Variants in CCSER1 observed in about 807,000 individuals in gnomAD.
The protein encoded by CCSER1 is serine-rich coiled-coil domain-containing protein 1.
A neutral mutation model predicts 82.0 loss-of-function variants in CCSER1; 41 were observed. The ratio of observed to expected loss-of-function variants is 0.50; its 90% confidence interval spans 0.39 to 0.65. CCSER1 has a LOEUF of 0.65. Ranked by LOEUF, CCSER1 falls within the 30% of genes least tolerant of loss-of-function variation. The pLI is 0.00. For missense variants in CCSER1, 1,119 were observed against 1,064.2 expected (o/e 1.05, Z -0.72); for synonymous variants, 414 against 383.9 (o/e 1.08, Z -0.92).
chr4:91,052,820 A>G (rs1743122502), intron 9 of CCSER1, among the ~76,000 whole-genome samples: 1 of 152,222 alleles, frequency 6.6e-6, no homozygotes, highest in Middle Eastern at 3.4e-3. Context: ...CATTATTTTG[A>G]TAGGTAAGTC....
At chr4:91,184,144 G>A (rs952916584) in intron 10 of CCSER1, among the ~76,000 whole-genome samples, 18 of 152,136 alleles carry the variant, frequency 1.2e-4, no homozygotes, top group Admixed American at 1.0e-3. Flanking sequence ...CTTGAGTGGG[G>A]CAGCACAAAA....
chr4:90,876,426 G>C (rs533017318), intron 8 of CCSER1, among the ~76,000 whole-genome samples: 11 of 152,094 alleles, frequency 7.2e-5, no homozygotes, highest in Non-Finnish European at 1.5e-4. Flanking sequence ...CAACACAACA[G>C]AGATGGAAGC....
At chr4:90,137,844 A>T (rs1723975927) in intron 1 of CCSER1, among the ~76,000 whole-genome samples, 1 of 152,182 alleles carries the variant, frequency 6.6e-6, no homozygotes, top group East Asian at 1.9e-4. Context: ...ACGTTACTTA[A>T]CTGCAGTTAC....
intron 8 of CCSER1, among the ~76,000 whole-genome samples, chr4:90,868,068 A>G (rs542554364): frequency 6.6e-6 from 1 of 152,142 alleles, no homozygotes; most frequent in Admixed American, 6.6e-5. Context: ...ATTCTTGTGG[A>G]TACAGAGTAG....
chr4:91,141,910 A>T (rs770198589), intron 10 of CCSER1, among the ~76,000 whole-genome samples: 1 of 152,128 alleles, frequency 6.6e-6, no homozygotes, highest in Admixed American at 6.5e-5. Flanking sequence ...AGCTGCTTGC[A>T]TGTCTTCTTT....
At chr4:91,538,698 C>CATATATTATGTATATATATATATATATAT in intron 10 of CCSER1, among the ~76,000 whole-genome samples, 3,118 of 138,184 alleles carry the variant, frequency 0.023, 48 homozygotes, top group African/African-American at 0.033. Context: ...TATATATACA[C>CATATATTATGTATATATATATATATATAT]ATATATATAT....
intron 8 of CCSER1, among the ~76,000 whole-genome samples, chr4:90,847,507 T>A (rs928736249): frequency 1.3e-5 from 2 of 152,172 alleles, no homozygotes; most frequent in African/African-American, 4.8e-5. Context: ...ACGTATCAGT[T>A]TTTTTTATTG....
Position 90,255,921 on chromosome 4 carries a change from T to C in CCSER1, c.-41-52323T>C, listed in dbSNP as rs544891894. On this transcript the variant is annotated intron_variant, in intron 1 of 10. Coordinates refer to ENST00000509176, the MANE Select transcript of CCSER1 (RefSeq NM_001145065.2). Reference sequence around the variant, plus strand: ...ACTTTATAGATGAGGATACTGAAGCTCTAGATGTTTATGTAACTTATCTAA... The same window carrying C: ...ACTTTATAGATGAGGATACTGAAGCCCTAGATGTTTATGTAACTTATCTAA... 5.3e-5 allele frequency among the ~76,000 whole-genome samples: 8 copies of C among 152,270 alleles called. No homozygotes were observed. In the South Asian group the frequency reaches 1.7e-3, roughly 32 times the overall value.
chr4:91,353,782 G>C (rs1266856795), intron 10 of CCSER1, among the ~76,000 whole-genome samples: 1 of 152,170 alleles, frequency 6.6e-6, no homozygotes, highest in African/African-American at 2.4e-5. Context: ...TATCAGACAA[G>C]GGAGCAGTAA....
intron 4 of CCSER1, among the ~76,000 whole-genome samples, chr4:90,456,313 C>T (rs1762160925): frequency 6.6e-6 from 1 of 152,148 alleles, no homozygotes; most frequent in African/African-American, 2.4e-5. Flanking sequence ...TTCTGATGAC[C>T]AAGCCAAGTG....
intron 10 of CCSER1, among the ~76,000 whole-genome samples, chr4:91,288,047 T>C (rs1245424861): frequency 6.7e-6 from 1 of 148,634 alleles, no homozygotes; most frequent in East Asian, 2.0e-4. Context: ...TTCTAGGCTA[T>C]TGAGTTTATT....
intron 9 of CCSER1, among the ~76,000 whole-genome samples, chr4:91,028,168 A>G (rs1292818151): frequency 1.3e-5 from 2 of 152,022 alleles, no homozygotes; most frequent in Non-Finnish European, 2.9e-5. Flanking sequence ...ATGTACATAT[A>G]AAAATATAGA....
rs201231317 is a variant in CCSER1, at chr4:91,160,605, G to A, written c.2217+74611G>A. 2.8e-4 allele frequency among the ~76,000 whole-genome samples: 42 copies of A among 152,258 alleles called. No individual in the cohort carries two copies. In the East Asian group the frequency reaches 7.3e-3, roughly 27 times the overall value. On this transcript the variant is annotated intron_variant, in intron 10 of 10. Coordinates refer to ENST00000509176, the MANE Select transcript of CCSER1 (RefSeq NM_001145065.2). ...TCTCCATTCTAACTGGTGTGAGATGGTATCTCATTGTGGTTTTGATTTGCA... is the reference window on the plus strand; with the variant it reads ...TCTCCATTCTAACTGGTGTGAGATGATATCTCATTGTGGTTTTGATTTGCA...
intron 1 of CCSER1, among the ~76,000 whole-genome samples, chr4:90,157,374 G>A (rs994941446): frequency 7.2e-5 from 11 of 152,154 alleles, no homozygotes; most frequent in African/African-American, 2.7e-4. Flanking sequence ...TTCTCGAGTA[G>A]TAGCTTTGTG....
At chr4:90,320,222 G>T (rs1736894221) in intron 3 of CCSER1, among the ~76,000 whole-genome samples, 1 of 152,108 alleles carries the variant, frequency 6.6e-6, no homozygotes, top group Non-Finnish European at 1.5e-5. Context: ...TAATAAATAT[G>T]AATAAATTAA....
intron 4 of CCSER1, among the ~76,000 whole-genome samples, chr4:90,413,981 A>AAT (rs70963066): frequency 0.044 from 2,288 of 52,352 alleles, 80 homozygotes; most frequent in East Asian, 0.11. Flanking sequence ...AAAAAAAAAA[A>AAT]ATATATATAT....
At chr4:91,235,697 T>TCAATTAGAAGTAATCAGGC in intron 10 of CCSER1, among the ~76,000 whole-genome samples, 1 of 152,156 alleles carries the variant, frequency 6.6e-6, no homozygotes, top group South Asian at 2.1e-4. Context: ...CTACGTAAGG[T>TCAATTAGAAGTAATCAGGC]CAATTAGAAG....
chr4:90,368,472 C>G (rs2153522780), intron 3 of CCSER1, among the ~76,000 whole-genome samples: 2 of 151,628 alleles, frequency 1.3e-5, no homozygotes, highest in South Asian at 4.2e-4. Flanking sequence ...CTTGTCTCCA[C>G]AAAAGAAAAA....
chr4:91,152,667 T>C (rs1220681590), intron 10 of CCSER1, among the ~76,000 whole-genome samples: 2 of 152,206 alleles, frequency 1.3e-5, no homozygotes, highest in African/African-American at 2.4e-5. Flanking sequence ...CAGTTGTTCC[T>C]TTCCATGTTT....
Sources: gnomAD v4.1 joint callset for allele counts (sites outside exome capture counted in the v4.1 genomes callset) on GRCh38, gnomAD v4.1.1 for gene constraint, MANE v1.5 for transcripts, NCBI Gene and HGNC (gene_info 2026-07-23, HGNC 2026-07-21) for gene names.